UBE2D1: variants seen among roughly 807,000 people sequenced by gnomAD.
UBE2D1 encodes ubiquitin conjugating enzyme E2 D1.
Under a neutral mutation model 24.6 loss-of-function variants are expected in UBE2D1, and 9 were observed. That is an observed-to-expected ratio of 0.37 (90% CI 0.22 to 0.64). The LOEUF is 0.64. Among genes scored for constraint, UBE2D1 ranks in the 30% least tolerant of loss-of-function variants. The pLI, the probability that UBE2D1 is intolerant of heterozygous loss-of-function variation, is 0.64. For missense variants in UBE2D1, 87 were observed against 177.1 expected, an observed-to-expected ratio of 0.49 and a Z score of 2.89; for synonymous variants, 57 against 57.6, an observed-to-expected ratio of 0.99 and a Z score of 0.04.
At chr10:58,353,440 G>C (rs1035995592) in intron 1 of UBE2D1, among the ~76,000 whole-genome samples, 2 of 152,104 alleles carry the variant, frequency 1.3e-5, no homozygotes, top group South Asian at 4.1e-4. Flanking sequence ...TTGAGATGAG[G>C]TCAGCTCAGC....
At chr10:58,366,677 C>T (rs1840258869) in intron 5 of UBE2D1, among the ~76,000 whole-genome samples, 1 of 152,124 alleles carries the variant, frequency 6.6e-6, no homozygotes. Flanking sequence ...CTCCTGGCCT[C>T]AAGTGATCCT....
chr10:58,351,159 G>A (rs1410848391), intron 1 of UBE2D1, among the ~76,000 whole-genome samples: 4 of 152,144 alleles, frequency 2.6e-5, no homozygotes, highest in Non-Finnish European at 4.4e-5. Flanking sequence ...GTACACTGCC[G>A]TAGACTTTAT....
rs181714358 is a variant in UBE2D1 at position 58,361,428 on chromosome 10, A to T, written c.88+27A>T. The T allele has an allele frequency of 2.3e-5, 37 of 1,614,172 alleles. No homozygotes were observed. In the Admixed American group the frequency reaches 3.8e-4, roughly 17 times the overall value. ...TAAGCCTTGCTCTATTTCTGGGATTATGCTACCTTTAAAAATATAGGTTTG... is the reference window on the plus strand; with the variant it reads ...TAAGCCTTGCTCTATTTCTGGGATTTTGCTACCTTTAAAAATATAGGTTTG... On this transcript the variant is annotated intron_variant, in intron 2 of 6. Transcript: ENST00000373910.
chr10:58,338,143 G>A (rs924578892), intron 1 of UBE2D1, among the ~76,000 whole-genome samples: 6 of 151,994 alleles, frequency 3.9e-5, no homozygotes, highest in African/African-American at 7.3e-5. Flanking sequence ...CACCACACCC[G>A]GCCAATAATC....
chr10:58,361,107 A>G (rs184749643), intron 1 of UBE2D1, among the ~76,000 whole-genome samples: 2 of 152,130 alleles, frequency 1.3e-5, no homozygotes, highest in East Asian at 1.9e-4. Context: ...TTAAAGAAAA[A>G]CAGTATTTTT....
rs1003854195 is a variant in UBE2D1 at position 58,364,621 on chromosome 10, G to A, written c.199-150G>A. 3 of 606,888 alleles carry A rather than the reference G, an allele frequency of 4.9e-6. No individual in the cohort carries two copies. The African/African-American group carries it at 5.6e-5, about 11-fold the overall frequency. The allele number at this position is 606,888 out of a possible 1,614,324, so 37.6% of individuals were successfully genotyped here. ...TAGCTAGAACTGTGTGTAGCACAAA[G>A]TAGATAATTATTTGATTTGTGTTGA... On this transcript the variant is annotated intron_variant, in intron 4 of 6. Coordinates refer to ENST00000373910, the MANE Select transcript of UBE2D1 (RefSeq NM_003338.5).
intron 1 of UBE2D1, among the ~76,000 whole-genome samples, chr10:58,345,271 G>T (rs1840003864): frequency 6.6e-6 from 1 of 152,042 alleles, no homozygotes; most frequent in African/African-American, 2.4e-5. Context: ...AGGAGTTTGA[G>T]ACCATCCTGG....
At chr10:58,360,653 G>C (rs942032507) in intron 1 of UBE2D1, among the ~76,000 whole-genome samples, 1 of 152,154 alleles carries the variant, frequency 6.6e-6, no homozygotes, top group Admixed American at 6.5e-5. Flanking sequence ...GGGTGCAGTG[G>C]CTCATGCCTG....
intron 3 of UBE2D1, among the ~76,000 whole-genome samples, chr10:58,363,064 A>G (rs1455003693): frequency 6.6e-6 from 1 of 152,050 alleles, no homozygotes; most frequent in Non-Finnish European, 1.5e-5. Context: ...TCTCTACATT[A>G]TTTTATAAAT....
At chr10:58,360,499 G>A (rs1278332000) in intron 1 of UBE2D1, among the ~76,000 whole-genome samples, 1 of 152,130 alleles carries the variant, frequency 6.6e-6, no homozygotes, top group Non-Finnish European at 1.5e-5. Flanking sequence ...CCCAGGGGCG[G>A]GGTGAACTCT....
In UBE2D1 at chr10:58,336,093, C is replaced by CT. The variant is rs201799902; in HGVS notation, c.24+875dup. 4.2e-3 allele frequency among the ~76,000 whole-genome samples: 637 copies of CT among 152,294 alleles called. 4 individuals are homozygous for CT. The highest frequency in any genetic ancestry group is 0.015 in the African/African-American group (609 of 41,562). ...ATCTCAACCCTGTGTATGGAATCGT[C>CT]TTTTTTTCACAGTATTTATTGCCAC... On this transcript the variant is annotated intron_variant, in intron 1 of 6. Coordinates refer to ENST00000373910, the MANE Select transcript of UBE2D1 (RefSeq NM_003338.5).
intron 1 of UBE2D1, among the ~76,000 whole-genome samples, chr10:58,344,678 CTAAA>C (rs1195801298): frequency 2.0e-5 from 3 of 151,952 alleles, no homozygotes; most frequent in Admixed American, 6.5e-5. Context: ...TATTCTCTAA[CTAAA>C]GAGCAATTAT....
At chr10:58,367,899 T>C (rs372339420) in intron 5 of UBE2D1, 24 bp from the exon 6 acceptor site, 11 of 1,491,698 alleles carry the variant, frequency 7.4e-6, no homozygotes, top group African/African-American at 1.4e-5. Flanking sequence ...TATTGTCTAA[T>C]GTGATGTTCT....
chr10:58,365,354 T>C (rs1840244240), intron 5 of UBE2D1, among the ~76,000 whole-genome samples: 1 of 152,216 alleles, frequency 6.6e-6, no homozygotes, highest in African/African-American at 2.4e-5. Context: ...TGGGACTGGT[T>C]GTCCCATTCA....
intron 1 of UBE2D1, among the ~76,000 whole-genome samples, chr10:58,340,720 C>T (rs1326528011): frequency 6.6e-6 from 1 of 152,140 alleles, no homozygotes; most frequent in Non-Finnish European, 1.5e-5. Flanking sequence ...ACAATGTGAG[C>T]TACATTTTAA....
intron 5 of UBE2D1, among the ~76,000 whole-genome samples, chr10:58,366,160 A>G (rs1277964047): frequency 6.6e-6 from 1 of 152,218 alleles, no homozygotes; most frequent in Non-Finnish European, 1.5e-5. Context: ...CTCACTTGGC[A>G]TATAAACTGC....
At chr10:58,365,506 T>G (rs1210458384) in intron 5 of UBE2D1, among the ~76,000 whole-genome samples, 2 of 152,254 alleles carry the variant, frequency 1.3e-5, no homozygotes, top group Non-Finnish European at 2.9e-5. Context: ...AGCATGTTAG[T>G]CTAAACTTCG....
intron 1 of UBE2D1, among the ~76,000 whole-genome samples, chr10:58,357,499 C>T (rs1168219253): frequency 6.6e-6 from 1 of 152,082 alleles, no homozygotes; most frequent in Admixed American, 6.6e-5. Context: ...TTTTGTTTGT[C>T]TAGTTGTAGT....
In UBE2D1 at chr10:58,361,546, A is replaced by G. The variant is rs1451612499; in HGVS notation, c.120+20A>G. The G allele has an allele frequency of 6.2e-7, 1 of 1,613,726 alleles. No homozygotes were observed. The highest frequency in any genetic ancestry group is 1.3e-5 in the African/African-American group (1 of 74,940). ...GGGCCTGTAAGTATGATTCATATCT[A>G]TGAAATTAACCCCCTCAGCCATACT... is the stretch of plus-strand genomic sequence containing the variant. On this transcript the variant is annotated intron_variant, in intron 3 of 6. Coordinates refer to ENST00000373910, the MANE Select transcript of UBE2D1 (RefSeq NM_003338.5).
Sources: gnomAD v4.1 joint callset for allele counts (sites outside exome capture counted in the v4.1 genomes callset) on GRCh38, gnomAD v4.1.1 for gene constraint, MANE v1.5 for transcripts, NCBI Gene and HGNC (gene_info 2026-07-23, HGNC 2026-07-21) for gene names.